The following MYPN variants were observed in gnomAD, a reference collection of about 807,000 sequenced individuals.
The protein encoded by MYPN is sarcomeric protein myopalladin, 145 kDa (MYOP).
MYPN carries 63 observed loss-of-function variants against 129.4 expected under a neutral mutation model. The ratio of observed to expected loss-of-function variants is 0.49; its 90% CI spans 0.40 to 0.60. The LOEUF (loss-of-function observed/expected upper bound fraction) is 0.60. Ranked by LOEUF, MYPN falls within the 20% of genes least tolerant of loss-of-function variation. The pLI, the probability that MYPN is intolerant of heterozygous loss-of-function variation, is 0.00. For missense variants in MYPN, 1,596 were observed against 1,635.4 expected (o/e 0.98, Z 0.42); for synonymous variants, 629 against 600.9 (o/e 1.05, Z -0.68).
intron 1 of MYPN, chr10:68,114,287 A>G (rs369712148): frequency 6.8e-4 from 104 of 151,836 alleles, no homozygotes; most frequent in Middle Eastern, 3.4e-3. Context: ...GTTGAAAAAC[A>G]TGTCCAAAGG....
At chr10:68,155,774 A>G (rs1485989502) in intron 6 of MYPN, among the ~76,000 whole-genome samples, 3 of 152,142 alleles carry the variant, frequency 2.0e-5, no homozygotes, top group Non-Finnish European at 2.9e-5. Context: ...CCTTATAACT[A>G]TGACTCTTAA....
Position 68,199,217 on chromosome 10 carries a change from C to A in MYPN, c.3286-151C>A, listed in dbSNP as rs1437234743. On this transcript the variant is annotated intron_variant, in intron 16 of 19. Coordinates refer to ENST00000358913, the MANE Select transcript of MYPN (RefSeq NM_032578.4). ...CATGCAGCTGTTTATTCAGACTCTT[C>A]GTTTCTCTCGATGCCCCTACAGAGA... The A allele has an allele frequency of 1.8e-4, 141 of 771,858 alleles. No individual in the cohort carries two copies. The South Asian group carries it at 1.9e-3, about 10-fold the overall frequency. 47.8% of individuals were successfully genotyped at this position (771,858 alleles called of 1,614,324 possible). A position where few individuals can be genotyped will look rare whatever the true frequency, so the allele number is the denominator to read the frequency against.
At chr10:68,097,757 A>G (rs1489170148) in intron 1 of MYPN, among the ~76,000 whole-genome samples, 1 of 140,772 alleles carries the variant, frequency 7.1e-6, no homozygotes, top group South Asian at 2.3e-4. Context: ...CTCTTTTATC[A>G]TCTTACTATA....
rs549371717 is a variant in MYPN at position 68,100,268 on chromosome 10, A to G, written c.-2+12276A>G. Among the ~76,000 whole-genome samples, 156 of 152,342 alleles carry G rather than the reference A, an allele frequency of 1.0e-3. 1 individual carries two copies. Among genetic ancestry groups the G allele is most frequent in the Non-Finnish European group, 1.7e-3 (114 of 68,024 alleles). Reference sequence around the variant, plus strand: ...TGTGGATGCTGGGTTGGGGTGAGCTAGGGTCACTCAGGGAGCTAAATAATT... The same window carrying G: ...TGTGGATGCTGGGTTGGGGTGAGCTGGGGTCACTCAGGGAGCTAAATAATT... On this transcript the variant is annotated intron_variant, in intron 1 of 6. Coordinates refer to the MYPN transcript ENST00000685154.
In MYPN at chr10:68,197,363, G is replaced by C. The variant is rs150414382; in HGVS notation, c.3170G>C (p.Arg1057Pro). ...GCTTGTTGTTATAGGGGAAGATCCCGAGTGCAAGAAAGAGACAAAGAGCCC... is the reference window on the plus strand; with the variant it reads ...GCTTGTTGTTATAGGGGAAGATCCCCAGTGCAAGAAAGAGACAAAGAGCCC... ...SAGQSHRGRS[R>P]VQERDKEPLQ... Residue 1057 changes from arginine to proline, a missense_variant, in exon 16 of 20, where the codon CGA becomes CCA. Physicochemically the swap from Arg to Pro is moderately radical, Grantham distance 103. Transcript: ENST00000358913. 7 of 1,613,380 alleles carry C rather than the reference G, an allele frequency of 4.3e-6. 1 individual carries two copies. The highest frequency in any genetic ancestry group is 3.3e-5 in the South Asian group (3 of 91,058).
chr10:68,139,777 T>C (rs1324204875), intron 2 of MYPN, among the ~76,000 whole-genome samples: 2 of 152,218 alleles, frequency 1.3e-5, no homozygotes, highest in Non-Finnish European at 2.9e-5. Context: ...TTTTCCATCA[T>C]TCAATCTTTC....
chr10:68,092,989 A>G (rs1175945093), intron 1 of MYPN, among the ~76,000 whole-genome samples: 1 of 152,168 alleles, frequency 6.6e-6, no homozygotes, highest in African/African-American at 2.4e-5. Flanking sequence ...AATTAACTGT[A>G]ATGGGCCCAC....
At position 68,166,365 on chromosome 10, in the gene MYPN, C is replaced by T. The variant is rs767709261; in HGVS notation, c.1672C>T (p.Pro558Ser). The change falls in exon 10 of 20, where the codon CCA becomes TCA. Residue 558 changes from proline to serine, a missense_variant. Transcript: ENST00000358913. ...TACCACCAACCTGGCAGCTATTGAG[C>T]CACAGCCCTCCCCACCCCACTCAGA... ...NSTTNLAAIE[P>S]QPSPPHSEPP... 8.7e-6 allele frequency: 14 copies of T among 1,613,972 alleles called. No homozygotes were observed. Among genetic ancestry groups the T allele is most frequent in the African/African-American group, 1.3e-5 (1 of 74,886 alleles).
At position 68,211,020 on chromosome 10, in the gene MYPN, C is replaced by T. The variant is rs761173943; in HGVS notation, c.*565C>T. 8.8e-6 allele frequency: 4 copies of T among 453,962 alleles called. No individual in the cohort carries two copies. The Admixed American group carries it at 9.4e-5, about 11-fold the overall frequency. The allele number at this position is 453,962 out of a possible 1,614,324, so 28.1% of individuals were successfully genotyped here. A position where few individuals can be genotyped will look rare whatever the true frequency, so the allele number is the denominator to read the frequency against. ...GGGCAAACACTTTTGATTTGCATAT[C>T]CTGGGTGTACTGAGCCACATAATAA... On this transcript the variant is annotated 3_prime_UTR_variant, in exon 20 of 20. Transcript: ENST00000358913.
At position 68,130,066 on chromosome 10, in the gene MYPN, C is replaced by T. The variant is rs560705490; in HGVS notation, c.902+7726C>T. On this transcript the variant is annotated intron_variant, in intron 2 of 19. Transcript: ENST00000358913. ...GGTTGAAATTTTTTTGTTTGTTGAC[C>T]TTTCAGGACTCTTGTTTTATGAAGG... Among the ~76,000 whole-genome samples the T allele has an allele frequency of 6.2e-4, 94 of 152,146 alleles. 2 individuals carry two copies. Among genetic ancestry groups the T allele is most frequent in the African/African-American group, 2.2e-3 (90 of 41,510 alleles).
intron 2 of MYPN, chr10:68,136,628 G>A: frequency 6.5e-7 from 1 of 1,532,620 alleles, no homozygotes; most frequent in Non-Finnish European, 8.7e-7. Flanking sequence ...GGCCATCTGA[G>A]TAAGGACAAA....
chr10:68,195,200 T>G (rs1437223669), intron 14 of MYPN, among the ~76,000 whole-genome samples: 1 of 152,214 alleles, frequency 6.6e-6, no homozygotes, highest in Admixed American at 6.5e-5. Flanking sequence ...GAATTCAAAT[T>G]TCTTTTTACC....
intron 1 of MYPN, among the ~76,000 whole-genome samples, chr10:68,100,102 A>T (rs1167649456): frequency 6.6e-6 from 1 of 152,194 alleles, no homozygotes; most frequent in Admixed American, 6.5e-5. Flanking sequence ...TCTTTTTCAG[A>T]TCCTTGAATT....
intron 1 of MYPN, among the ~76,000 whole-genome samples, chr10:68,110,160 C>G (rs2042061856): frequency 6.6e-6 from 1 of 152,142 alleles, no homozygotes; most frequent in South Asian, 2.1e-4. Flanking sequence ...GATACGCTTG[C>G]TATATTTAGT....
chr10:68,109,977 G>A (rs1455698361), intron 1 of MYPN, among the ~76,000 whole-genome samples: 1 of 152,154 alleles, frequency 6.6e-6, no homozygotes, highest in East Asian at 1.9e-4. Flanking sequence ...AACAGAAGAA[G>A]TTGTGACATG....
In MYPN at chr10:68,169,934, T is replaced by C. The variant is rs578072582; in HGVS notation, c.1973+3268T>C. 3.3e-5 allele frequency among the ~76,000 whole-genome samples: 5 copies of C among 152,192 alleles called. No individual in the cohort carries two copies. In the South Asian group the frequency reaches 8.3e-4, roughly 25 times the overall value. ...TTTGTATTTTTAGCAAAGAAGGAGTTTCACCATGTTGGCAAGGCTGGTCTC... is the reference window on the plus strand; with the variant it reads ...TTTGTATTTTTAGCAAAGAAGGAGTCTCACCATGTTGGCAAGGCTGGTCTC... On this transcript the variant is annotated intron_variant, in intron 10 of 19. Transcript: ENST00000358913.
intron 2 of MYPN, among the ~76,000 whole-genome samples, chr10:68,132,314 A>C (rs956800196): frequency 6.6e-6 from 1 of 152,224 alleles, no homozygotes; most frequent in African/African-American, 2.4e-5. Context: ...ATGTTAAACC[A>C]ATCTTGAATT....
chr10:68,158,920 AGATG>A (rs2042927861), intron 7 of MYPN, among the ~76,000 whole-genome samples: 10 of 143,014 alleles, frequency 7.0e-5, no homozygotes, highest in African/African-American at 2.5e-4. Flanking sequence ...TTTTTTTTTT[AGATG>A]GAATCTCACT....
intron 1 of MYPN, among the ~76,000 whole-genome samples, chr10:68,115,399 G>A (rs2042143337): frequency 6.6e-6 from 1 of 152,102 alleles, no homozygotes; most frequent in Admixed American, 6.6e-5. Flanking sequence ...TAGTTGCTCA[G>A]GGCATAAATA....
Sources: allele counts gnomAD v4.1 joint callset (sites outside exome capture counted in the v4.1 genomes callset), GRCh38; gene constraint gnomAD v4.1.1; transcripts MANE v1.5; gene names NCBI Gene and HGNC (gene_info 2026-07-23, HGNC 2026-07-21).